GYS1: variants seen among roughly 807,000 people sequenced by gnomAD.
GYS1 encodes the protein glycogen [starch] synthase, muscle.
Under a neutral mutation model 89.1 loss-of-function variants are expected in GYS1, and 60 were observed. The observed-to-expected ratio is 0.67, with a 90% CI of 0.55 to 0.84. GYS1 has a LOEUF of 0.84. GYS1 is among the 40% of genes least tolerant of loss of function. The pLI, the probability that GYS1 is intolerant of heterozygous loss-of-function variation, is 0.00. For missense variants in GYS1, 888 were observed against 1,003.1 expected (o/e 0.89, Z 1.55); for synonymous variants, 366 against 401.7 (o/e 0.91, Z 1.06).
rs1486658654 is a variant in GYS1 at position 48,974,356 on chromosome 19, A to T, written c.1423-17T>A. On this transcript the variant is annotated splice_polypyrimidine_tract_variant and intron_variant, in intron 11 of 15. Transcript: ENST00000323798. ...GAAAATCACCTGGTAGTGAAAAAGA[A>T]GGACTCAGCCCAAGTGCCTTATTTA... The T allele has an allele frequency of 1.2e-6, 2 of 1,613,710 alleles. No homozygotes were observed. Among genetic ancestry groups the T allele is most frequent in the African/African-American group, 2.7e-5 (2 of 74,924 alleles).
rs1363671615 is a variant in GYS1 at position 48,969,339 on chromosome 19, G to A, written c.2163C>T (p.Thr721=). The change falls in exon 16 of 16, where the codon ACC becomes ACT. Residue 721 remains threonine (T), a synonymous_variant. Coordinates refer to ENST00000323798, the MANE Select transcript of GYS1 (RefSeq NM_002103.5). ...TGGTGGGGCTGAGGGGCTCGCTCGG[G>A]GTGCTGAGTGAGCTGGAGGTGGCCG... ...VDTATSSSLS[T]PSEPLSPTSS... is the part of the protein sequence containing the mutation. 1.3e-6 allele frequency: 2 copies of A among 1,585,376 alleles called. No homozygotes were observed. The highest frequency in any genetic ancestry group is 4.6e-5 in the East Asian group (2 of 43,656).
intron 6 of GYS1, 147 bp from the exon 7 acceptor site, chr19:48,982,522 G>C: frequency 1.0e-6 from 1 of 955,044 alleles, no homozygotes; most frequent in South Asian, 1.4e-5. Context: ...GGGAGTTGTA[G>C]TTCTTCTCTT....
chr19:48,974,135 G>C (rs970712030), intron 12 of GYS1, 78 bp downstream of exon 12: 1 of 1,452,056 alleles, frequency 6.9e-7, no homozygotes, highest in Non-Finnish European at 9.4e-7. Context: ...GCTCAGAGAA[G>C]GCCAGTGCCT....
chr19:48,987,290 C>G lies in GYS1; in HGVS notation c.396G>C (p.Glu132Asp), dbSNP rs2038857315. ...CTCCGATGTTGCAGGTATCCCAGAG[C>G]TCTCCCTTCCAGCGCTCCAGGGCCC... ...SAWALERWKG[E>D]LWDTCNIGVP... Residue 132 changes from glutamate to aspartate, a missense_variant, in exon 3 of 16, where the codon GAG (glutamate) becomes GAC (aspartate). Physicochemically the swap from Glu to Asp is conservative, Grantham distance 45. Coordinates refer to ENST00000323798, the MANE Select transcript of GYS1 (RefSeq NM_002103.5). The G allele has an allele frequency of 6.2e-7, 1 of 1,612,734 alleles. No individual in the cohort carries two copies. The highest frequency in any genetic ancestry group is 1.3e-5 in the African/African-American group (1 of 74,888).
intron 5 of GYS1, among the ~76,000 whole-genome samples, chr19:48,984,042 A>C (rs899634094): frequency 6.6e-6 from 1 of 152,198 alleles, no homozygotes; most frequent in Non-Finnish European, 1.5e-5. Flanking sequence ...CTTGTTGCCC[A>C]GGCTGGAGTG....
intron 6 of GYS1, 147 bp downstream of exon 6, chr19:48,982,573 C>A (rs563314042): frequency 9.4e-6 from 8 of 854,028 alleles, no homozygotes; most frequent in Non-Finnish European, 1.3e-5. Flanking sequence ...ATTGTTCCAG[C>A]GCTCAAGAAT....
intron 6 of GYS1, 33 bp downstream of exon 6, chr19:48,982,687 C>T: frequency 7.0e-7 from 1 of 1,420,824 alleles, no homozygotes; most frequent in Non-Finnish European, 1.0e-6. Flanking sequence ...CAACGCCCTC[C>T]TCTCTTAAGA....
intron 2 of GYS1, among the ~76,000 whole-genome samples, chr19:48,988,664 G>A (rs916100374): frequency 3.9e-5 from 6 of 152,136 alleles, no homozygotes; most frequent in Non-Finnish European, 2.9e-5. Context: ...CTCCAGCCTG[G>A]AAGGGAGTGG....
At chr19:48,984,755 C>T (rs919674602) in intron 5 of GYS1, among the ~76,000 whole-genome samples, 2 of 151,802 alleles carry the variant, frequency 1.3e-5, no homozygotes, top group African/African-American at 4.8e-5. Context: ...GTGGCAGGCG[C>T]GTATAGTCCC....
rs1233369798 is a variant in GYS1 at position 48,974,213 on chromosome 19, C to A, written c.1549G>T (p.Ala517Ser). Residue 517 changes from alanine (A) to serine (S), a missense_variant and splice_region_variant, in exon 12 of 16, where the codon GCT (alanine) becomes TCT (serine). Transcript: ENST00000323798. ...SYYEPWGYTPAECTVMGIPSI... is the reference protein window; with the variant it reads ...SYYEPWGYTPSECTVMGIPSI... ...GCTGTCCCCTGCCCACTACACTCAC[C>A]CGGTGTGTAGCCCCAAGGCTCATAG... 4 of 1,599,670 alleles carry A rather than the reference C, an allele frequency of 2.5e-6. No individual in the cohort carries two copies. Among genetic ancestry groups the A allele is most frequent in the Middle Eastern group, 1.7e-4 (1 of 5,830 alleles).
Position 48,968,167 on chromosome 19 carries a change from G to A in GYS1, c.*1121C>T, listed in dbSNP as rs1039712573. On this transcript the variant is annotated 3_prime_UTR_variant, in exon 16 of 16. Coordinates refer to ENST00000323798, the MANE Select transcript of GYS1 (RefSeq NM_002103.5). ...GATGTATTTTTTTCATCTCATCTCCGGACACACTCCAATCACACCCCTCCT... is the reference window on the plus strand; with the variant it reads ...GATGTATTTTTTTCATCTCATCTCCAGACACACTCCAATCACACCCCTCCT... 3.8e-5 allele frequency: 17 copies of A among 453,282 alleles called. No individual in the cohort carries two copies. The East Asian group carries it at 4.2e-4, about 11-fold the overall frequency. 28.1% of individuals were successfully genotyped at this position (453,282 alleles called of 1,614,324 possible).
chr19:48,985,923 A>AAG lies in GYS1; in HGVS notation c.603_604dup (p.Phe202SerfsTer77), dbSNP rs755086983. The stretch of plus-strand genomic sequence containing the variant: ...CCCCAGCAGCGTGGCATGGGTGGTG[A>AAG]AGATGGTTGCTACAGGCAGTCGCCG... On this transcript the variant is annotated frameshift_variant, in exon 4 of 16. Coordinates refer to ENST00000323798, the MANE Select transcript of GYS1 (RefSeq NM_002103.5). LOFTEE classifies it high-confidence loss of function. 10 of 1,614,070 alleles carry AAG rather than the reference A, an allele frequency of 6.2e-6. No homozygotes were observed. In the African/African-American group the frequency reaches 1.2e-4, roughly 19 times the overall value.
intron 4 of GYS1, 48 bp downstream of exon 4, chr19:48,985,802 T>A (rs1472965196): frequency 6.2e-7 from 1 of 1,604,476 alleles, no homozygotes; most frequent in East Asian, 2.2e-5. Flanking sequence ...GAGCTTTGGG[T>A]TTTCCTGGCA....
At chr19:48,976,066 G>C (rs988441136) in intron 10 of GYS1, among the ~76,000 whole-genome samples, 8 of 151,960 alleles carry the variant, frequency 5.3e-5, no homozygotes, top group African/African-American at 1.9e-4. Flanking sequence ...ATAGTTCTTA[G>C]CAACTGTTCC....
chr19:48,969,874 G>A lies in GYS1; in HGVS notation c.1810-19C>T, dbSNP rs367581750. 6.3e-6 allele frequency: 10 copies of A among 1,590,446 alleles called. No homozygotes were observed. The highest frequency in any genetic ancestry group is 2.7e-5 in the African/African-American group (2 of 74,536). The stretch of plus-strand genomic sequence containing the variant: ...TATAGTACTAGGGGAAAGGAGGAGA[G>A]GGGGCAGAGGATGTGAGAGCCAGGC... On this transcript the variant is annotated intron_variant, in intron 14 of 15. Transcript: ENST00000323798.
chr19:48,985,692 T>G (rs2038831902), intron 4 of GYS1, 87 bp from the exon 5 acceptor site: 1 of 1,544,150 alleles, frequency 6.5e-7, no homozygotes, highest in Non-Finnish European at 8.9e-7. Context: ...GAGAAATTGG[T>G]GCTGGGGGCT....
rs2038612186 is a variant in GYS1 at position 48,974,348 on chromosome 19, G to T, written c.1423-9C>A. On this transcript the variant is annotated splice_polypyrimidine_tract_variant and intron_variant, in intron 11 of 15. Transcript: ENST00000323798. ...TCCGGGTGGAAAATCACCTGGTAGT[G>T]AAAAAGAAGGACTCAGCCCAAGTGC... 1 of 1,613,858 alleles carries T rather than the reference G, an allele frequency of 6.2e-7. No homozygotes were observed.
intron 8 of GYS1, among the ~76,000 whole-genome samples, chr19:48,980,329 C>T (rs1272953493): frequency 1.3e-5 from 2 of 152,052 alleles, no homozygotes; most frequent in South Asian, 2.1e-4. Context: ...AAGTAAATTC[C>T]GTCTACAGGA....
At chr19:48,979,324 CTTTTTTCTTTTCTTTT>C (rs2038710304) in intron 8 of GYS1, among the ~76,000 whole-genome samples, 2 of 68,182 alleles carry the variant, frequency 2.9e-5, no homozygotes, top group Non-Finnish European at 6.5e-5. Flanking sequence ...GTCTCTTTTT[CTTTTTTCTTTTCTTTT>C]TTTTTTTTTT....
Sources: allele counts gnomAD v4.1 joint callset (sites outside exome capture counted in the v4.1 genomes callset), GRCh38; gene constraint gnomAD v4.1.1; transcripts MANE v1.5; gene names NCBI Gene and HGNC (gene_info 2026-07-23, HGNC 2026-07-21).